POLR3B: variants seen among roughly 807,000 people sequenced by gnomAD.
POLR3B encodes DNA-directed RNA polymerase III subunit RPC2.
Under a neutral mutation model 147.4 loss-of-function variants are expected in POLR3B, and 96 were observed. The ratio of observed to expected loss-of-function variants is 0.65; its 90% CI spans 0.55 to 0.77. The LOEUF (loss-of-function observed/expected upper bound fraction) is 0.77. Among genes scored for constraint, POLR3B ranks in the 30% least tolerant of loss-of-function variants. POLR3B has a pLI of 0.00. For missense variants in POLR3B, 1,036 were observed against 1,413.5 expected, an observed-to-expected ratio of 0.73 and a Z score of 4.28; for synonymous variants, 461 against 485.9, an observed-to-expected ratio of 0.95 and a Z score of 0.67.
chr12:106,426,222 TTGTGTGTGTGTG>T (rs35090518), intron 12 of POLR3B, among the ~76,000 whole-genome samples: 124 of 131,222 alleles, frequency 9.4e-4, no homozygotes, highest in South Asian at 4.1e-3. Flanking sequence ...GGCCTGCAAT[TTGTGTGTGTGTG>T]TGTGTGTGTG....
chr12:106,461,095 A>G (rs1457609015), intron 22 of POLR3B, among the ~76,000 whole-genome samples: 1 of 151,912 alleles, frequency 6.6e-6, no homozygotes, highest in East Asian at 1.9e-4. Flanking sequence ...CATTCAAGAA[A>G]TACTTTTTTT....
At chr12:106,437,031 A>G (rs2037586157) in intron 16 of POLR3B, 26 bp from the exon 17 acceptor site, 1 of 1,579,506 alleles carries the variant, frequency 6.3e-7, no homozygotes, top group Admixed American at 1.7e-5. Flanking sequence ...AACTATTATT[A>G]ATTTGGTTTG....
At chr12:106,382,739 T>C (rs928293287) in intron 9 of POLR3B, among the ~76,000 whole-genome samples, 1 of 152,196 alleles carries the variant, frequency 6.6e-6, no homozygotes, top group Non-Finnish European at 1.5e-5. Flanking sequence ...TGTTGTTTCA[T>C]TGGTAGGGCA....
At chr12:106,424,517 T>C (rs1361315973) in intron 12 of POLR3B, among the ~76,000 whole-genome samples, 1 of 152,200 alleles carries the variant, frequency 6.6e-6, no homozygotes, top group Non-Finnish European at 1.5e-5. Context: ...TCCTGGTCCA[T>C]TTATTAGCTG....
chr12:106,388,559 G>A (rs780208161), intron 9 of POLR3B, among the ~76,000 whole-genome samples: 3 of 152,072 alleles, frequency 2.0e-5, no homozygotes, highest in Non-Finnish European at 2.9e-5. Flanking sequence ...CTGGTGATCT[G>A]CCCACCTTAG....
In POLR3B at chr12:106,503,917, T is replaced by C. The variant is rs116053297; in HGVS notation, c.3099-164T>C. ...TTGGGATAGGTGTGCTTATGCACTTTTACAAATGAGGCTAAGCAGCGTGTC... is the reference window on the plus strand; with the variant it reads ...TTGGGATAGGTGTGCTTATGCACTTCTACAAATGAGGCTAAGCAGCGTGTC... On this transcript the variant is annotated intron_variant, in intron 26 of 27. Transcript: ENST00000228347. Among the ~76,000 whole-genome samples the C allele has an allele frequency of 4.2e-3, 641 of 152,374 alleles. 4 individuals are homozygous for C. Among genetic ancestry groups the C allele is most frequent in the African/African-American group, 0.014 (570 of 41,586 alleles).
chr12:106,484,480 A>G (rs1424582419), intron 23 of POLR3B, among the ~76,000 whole-genome samples: 1 of 152,104 alleles, frequency 6.6e-6, no homozygotes, highest in Non-Finnish European at 1.5e-5. Flanking sequence ...AACAGACAAA[A>G]AAGAAGTAAA....
intron 11 of POLR3B, among the ~76,000 whole-genome samples, chr12:106,406,539 G>A (rs1355104131): frequency 6.6e-6 from 1 of 152,124 alleles, no homozygotes; most frequent in East Asian, 1.9e-4. Flanking sequence ...TACTGGATGA[G>A]TTCATCTTCT....
intron 23 of POLR3B, among the ~76,000 whole-genome samples, chr12:106,473,721 T>C (rs1360070583): frequency 2.1e-5 from 2 of 95,594 alleles, no homozygotes; most frequent in Non-Finnish European, 4.1e-5. Flanking sequence ...TTTTGTATCC[T>C]GAGACTTTGC....
chr12:106,444,340 C>T lies in POLR3B; in HGVS notation c.1956-123C>T. The T allele has an allele frequency of 3.4e-6, 3 of 875,704 alleles. No individual in the cohort carries two copies. In the South Asian group the frequency reaches 4.3e-5, roughly 13 times the overall value. 54.2% of individuals were successfully genotyped at this position (875,704 alleles called of 1,614,324 possible). On this transcript the variant is annotated intron_variant, in intron 18 of 27. Coordinates refer to ENST00000228347, the MANE Select transcript of POLR3B (RefSeq NM_018082.6). ...GTTTTTATTTTACCAGTTTTACTAG[C>T]ATCAAATTTTATTGACATATAAATC...
At chr12:106,506,933 G>A (rs1340008920) in intron 27 of POLR3B, among the ~76,000 whole-genome samples, 3 of 152,110 alleles carry the variant, frequency 2.0e-5, no homozygotes, top group East Asian at 3.8e-4. Context: ...GGAGGAAGTC[G>A]CTCTTTAATG....
intron 12 of POLR3B, among the ~76,000 whole-genome samples, chr12:106,426,178 C>T (rs753471986): frequency 6.6e-6 from 1 of 151,030 alleles, no homozygotes; most frequent in Non-Finnish European, 1.5e-5. Flanking sequence ...TGGGCACTAC[C>T]TTAGACCTAC....
chr12:106,506,415 G>A (rs1031574749), intron 27 of POLR3B, among the ~76,000 whole-genome samples: 5 of 151,534 alleles, frequency 3.3e-5, no homozygotes, highest in South Asian at 2.1e-4. Context: ...CCCCACCCCC[G>A]GAGAAAAAAG....
rs1219943945 is a variant in POLR3B, at chr12:106,433,746, A to G, written c.1655A>G (p.His552Arg). 3 of 1,613,566 alleles carry G rather than the reference A, an allele frequency of 1.9e-6. No homozygotes were observed. The highest frequency in any genetic ancestry group is 2.7e-5 in the African/African-American group (2 of 74,912). The change falls in exon 16 of 28, where the codon CAC (histidine) becomes CGC (arginine). Residue 552 changes from histidine to arginine, a missense_variant. By Grantham distance (29) the His-to-Arg change is conservative. Transcript: ENST00000228347. ...AACATCTTAGGTGTCATTCGAGACC[A>G]CAAAAAGCTAGTGAATACATTTCGA... The part of the protein sequence containing the change: ...NGNILGVIRD[H>R]KKLVNTFRLM...
intron 27 of POLR3B, among the ~76,000 whole-genome samples, chr12:106,505,813 C>T (rs1286523178): frequency 6.6e-6 from 1 of 152,160 alleles, no homozygotes; most frequent in Non-Finnish European, 1.5e-5. Context: ...TCGTAGTTTC[C>T]TTCCAGACAG....
intron 17 of POLR3B, among the ~76,000 whole-genome samples, 161 bp from the exon 18 acceptor site, chr12:106,437,520 G>A (rs2037593291): frequency 6.6e-6 from 1 of 152,180 alleles, no homozygotes; most frequent in African/African-American, 2.4e-5. Context: ...TGGTTACTGT[G>A]TGAGCTAAGA....
At chr12:106,503,989 C>G (rs2038645686) in intron 26 of POLR3B, 92 bp from the exon 27 acceptor site, 1 of 1,201,728 alleles carries the variant, frequency 8.3e-7, no homozygotes. Flanking sequence ...GAGCCCTGCT[C>G]CAAAGCCTCG....
intron 18 of POLR3B, among the ~76,000 whole-genome samples, chr12:106,442,067 C>T (rs1268063322): frequency 6.6e-5 from 9 of 136,376 alleles, no homozygotes; most frequent in Non-Finnish European, 1.1e-4. Flanking sequence ...GCAGCAAGAG[C>T]GAAAATCCGC....
At chr12:106,461,775 T>A (rs1199340702) in intron 22 of POLR3B, among the ~76,000 whole-genome samples, 1 of 152,138 alleles carries the variant, frequency 6.6e-6, no homozygotes, top group African/African-American at 2.4e-5. Context: ...GCCCTCCCTA[T>A]CAGTCTAATC....
Sources: gnomAD v4.1 joint callset for allele counts (sites outside exome capture counted in the v4.1 genomes callset) on GRCh38, gnomAD v4.1.1 for gene constraint, MANE v1.5 for transcripts, NCBI Gene and HGNC (gene_info 2026-07-23, HGNC 2026-07-21) for gene names.